The following IGSF10 variants were observed in gnomAD, a reference collection of about 807,000 sequenced individuals.
IGSF10 encodes the protein calvaria mechanical force protein 608.
In IGSF10, 126 loss-of-function variants were observed where a neutral mutation model predicts 128.2. That is an observed-to-expected ratio of 0.98 (90% CI 0.85 to 1.14). The LOEUF is 1.14. Among genes scored for constraint, IGSF10 ranks in the 50% most tolerant of loss-of-function variants. IGSF10 has a pLI of 0.00. For missense variants in IGSF10, 3,295 were observed against 3,149.8 expected (o/e 1.05, Z -1.10); for synonymous variants, 1,185 against 1,146.2 (o/e 1.03, Z -0.68).
the IGSF10 span, among the ~76,000 whole-genome samples, chr3:151,466,614 T>C: frequency 6.6e-6 from 1 of 152,210 alleles, no homozygotes; most frequent in Non-Finnish European, 1.5e-5. Flanking sequence ...AGTCTCACTC[T>C]GTCTCCCAGG....
At chr3:151,511,531 T>C in the IGSF10 span, among the ~76,000 whole-genome samples, 1 of 152,116 alleles carries the variant, frequency 6.6e-6, no homozygotes, top group East Asian at 1.9e-4. Flanking sequence ...GTAAAGACCA[T>C]CAAGGCTAGG....
chr3:151,443,505 G>T lies in IGSF10; in HGVS notation c.5442C>A (p.Asp1814Glu). 1 of 1,614,216 alleles carries T rather than the reference G, an allele frequency of 6.2e-7. No homozygotes were observed. The highest frequency in any genetic ancestry group is 8.5e-7 in the Non-Finnish European group (1 of 1,180,040). ...TGGCCACACATTTGTAAAAGCCACG[G>T]TCATAAATACTGAGATTGTGGAGGA... ...TLVLHNLSIY[D>E]RGFYKCVASN... The change falls in exon 7 of 8, where the codon GAC (aspartate) becomes GAA (glutamate). Residue 1814 changes from aspartate (D) to glutamate (E), a missense_variant. By Grantham distance (45) the Asp-to-Glu change is conservative. Coordinates refer to ENST00000282466, the MANE Select transcript of IGSF10 (RefSeq NM_178822.5).
the IGSF10 span, among the ~76,000 whole-genome samples, chr3:151,572,137 G>A: frequency 0.055 from 8,333 of 152,244 alleles, 443 homozygotes; most frequent in African/African-American, 0.14. Flanking sequence ...TTTTATTGAG[G>A]ATTTTCCCAT....
chr3:151,572,303 T>A, the IGSF10 span, among the ~76,000 whole-genome samples: 1 of 152,228 alleles, frequency 6.6e-6, no homozygotes, highest in African/African-American at 2.4e-5. Context: ...TGGTACCATC[T>A]CCTCTTTGTA....
At chr3:151,474,841 G>C in the IGSF10 span, among the ~76,000 whole-genome samples, 10 of 152,080 alleles carry the variant, frequency 6.6e-5, no homozygotes, top group African/African-American at 2.2e-4. Flanking sequence ...GCTTGTGCAG[G>C]GGAACTCCTC....
chr3:151,586,809 A>G, the IGSF10 span, among the ~76,000 whole-genome samples: 2 of 152,168 alleles, frequency 1.3e-5, no homozygotes, highest in African/African-American at 2.4e-5. Context: ...AAGTCAACCT[A>G]AGAAATTCTT....
At chr3:151,506,070 G>A in the IGSF10 span, among the ~76,000 whole-genome samples, 1 of 152,106 alleles carries the variant, frequency 6.6e-6, no homozygotes, top group African/African-American at 2.4e-5. Flanking sequence ...TCCTGCCTCA[G>A]CCTCCCAAGT....
chr3:151,493,855 AC>A, the IGSF10 span, among the ~76,000 whole-genome samples: 1 of 4,772 alleles, frequency 2.1e-4, no homozygotes, highest in Admixed American at 2.2e-3. Context: ...TGTTTAAAAA[AC>A]AAACAAACAA....
the IGSF10 span, among the ~76,000 whole-genome samples, chr3:151,510,775 T>C: frequency 6.6e-6 from 1 of 152,138 alleles, no homozygotes; most frequent in Non-Finnish European, 1.5e-5. Context: ...TTAAAGGACC[T>C]GATGGAGCTG....
the IGSF10 span, among the ~76,000 whole-genome samples, chr3:151,559,056 G>C: frequency 1.3e-5 from 2 of 152,222 alleles, no homozygotes; most frequent in African/African-American, 4.8e-5. Context: ...TTTACACTGA[G>C]GAAAATAAAT....
At chr3:151,597,008 G>T in the IGSF10 span, among the ~76,000 whole-genome samples, 3 of 146,628 alleles carry the variant, frequency 2.0e-5, no homozygotes, top group Non-Finnish European at 3.0e-5. Context: ...AGTTTCCGGG[G>T]TTTTTTTTTT....
intron 5 of IGSF10, among the ~76,000 whole-genome samples, chr3:151,450,747 T>A (rs1358434801): frequency 6.6e-6 from 1 of 151,648 alleles, no homozygotes; most frequent in African/African-American, 2.4e-5. Context: ...AAATACAAAA[T>A]TAGCCAGGCA....
At chr3:151,528,658 A>G in the IGSF10 span, among the ~76,000 whole-genome samples, 1 of 152,174 alleles carries the variant, frequency 6.6e-6, no homozygotes, top group Non-Finnish European at 1.5e-5. Flanking sequence ...ACCGGGAGGA[A>G]TGGTACCCAG....
At chr3:151,594,897 A>G in the IGSF10 span, among the ~76,000 whole-genome samples, 1 of 151,978 alleles carries the variant, frequency 6.6e-6, no homozygotes, top group African/African-American at 2.4e-5. Context: ...AAAGATGTAC[A>G]ATTATTATGT....
chr3:151,565,950 A>C, the IGSF10 span: 1 of 151,928 alleles, frequency 6.6e-6, no homozygotes, highest in Non-Finnish European at 1.5e-5. Context: ...AGCTGAGGAA[A>C]GGTTGGTAGA....
chr3:151,541,989 C>A, the IGSF10 span, among the ~76,000 whole-genome samples: 1 of 152,118 alleles, frequency 6.6e-6, no homozygotes, highest in African/African-American at 2.4e-5. Flanking sequence ...CTGAGTTGTT[C>A]CTTAAATTAC....
chr3:151,445,357 T>G lies in IGSF10; in HGVS notation c.4624A>C (p.Ile1542Leu), dbSNP rs748915765. The change falls in exon 6 of 8, where the codon ATC (isoleucine) becomes CTC (leucine). Residue 1542 changes from isoleucine to leucine, a missense_variant. Transcript: ENST00000282466. ...GTAGAATGTAACAGATTAGAGTAGA[T>G]GAAGTGAGTGGTTCCAATTGTGAAC... ...AKFTIGTTHFIYSNLLHSTPM... is the reference protein window; with the variant it reads ...AKFTIGTTHFLYSNLLHSTPM... The G allele has an allele frequency of 2.5e-6, 4 of 1,614,186 alleles. No individual in the cohort carries two copies. The East Asian group carries it at 8.9e-5, about 36-fold the overall frequency.
chr3:151,466,040 T>C (rs1722273005), upstream of IGSF10, among the ~76,000 whole-genome samples: 1 of 152,222 alleles, frequency 6.6e-6, no homozygotes, highest in East Asian at 1.9e-4. Context: ...TTTTTGTCTA[T>C]AAATTTTTTC....
At chr3:151,500,277 G>A in the IGSF10 span, among the ~76,000 whole-genome samples, 23 of 151,858 alleles carry the variant, frequency 1.5e-4, no homozygotes, top group African/African-American at 5.6e-4. Context: ...AAAAGAGAAT[G>A]AATCATGTAT....
Sources: gnomAD v4.1 joint callset for allele counts (sites outside exome capture counted in the v4.1 genomes callset) on GRCh38, gnomAD v4.1.1 for gene constraint, MANE v1.5 for transcripts, NCBI Gene and HGNC (gene_info 2026-07-23, HGNC 2026-07-21) for gene names.